HMGCS2: variants seen among roughly 807,000 people sequenced by gnomAD.
The protein encoded by HMGCS2 is hydroxymethylglutaryl-CoA synthase, mitochondrial.
In HMGCS2, 50 loss-of-function variants were observed where a neutral mutation model predicts 57.4. The ratio of observed to expected loss-of-function variants is 0.87; its 90% CI spans 0.69 to 1.10. The LOEUF is 1.10. HMGCS2 is among the 50% of genes least tolerant of loss of function. HMGCS2 has a pLI of 0.00. For synonymous variants in HMGCS2, 254 were observed against 245.1 expected (o/e 1.04, Z -0.34); for missense variants, 627 against 636.5 (o/e 0.99, Z 0.16).
intron 5 of HMGCS2, among the ~76,000 whole-genome samples, chr1:119,756,629 A>T (rs916398267): frequency 6.6e-6 from 1 of 152,234 alleles, no homozygotes; most frequent in African/African-American, 2.4e-5. Flanking sequence ...ATTTCTTTGT[A>T]AATATTAGTG....
rs1652805414 is a variant in HMGCS2 at position 119,755,496 on chromosome 1, T to A, written c.1118A>T (p.Tyr373Phe). ...MFDKKTKASL[Y>F]LSTHNGNMYT... is the part of the protein sequence containing the mutation. The stretch of plus-strand genomic sequence containing the variant: ...CATGTTCCCATTGTGAGTGGAGAGG[T>A]AAAGGGAAGCCTTGGTTTTCTTGTC... Residue 373 changes from tyrosine (Y) to phenylalanine (F), a missense_variant, in exon 6 of 10, where the codon TAC becomes TTC. Physicochemically the swap from Tyr to Phe is conservative, Grantham distance 22. Transcript: ENST00000369406. 3 of 1,613,960 alleles carry A rather than the reference T, an allele frequency of 1.9e-6. No homozygotes were observed. Among genetic ancestry groups the A allele is most frequent in the Non-Finnish European group, 2.5e-6 (3 of 1,179,964 alleles).
intron 7 of HMGCS2, 60 bp from the exon 8 acceptor site, chr1:119,752,734 C>G: frequency 1.9e-6 from 3 of 1,600,096 alleles, no homozygotes; most frequent in Non-Finnish European, 2.6e-6. Context: ...TATTGCCAAT[C>G]ACGAGTTCAA....
At chr1:119,765,544 C>T (rs1653198349) in intron 1 of HMGCS2, among the ~76,000 whole-genome samples, 3 of 152,068 alleles carry the variant, frequency 2.0e-5, no homozygotes, top group Admixed American at 2.0e-4. Flanking sequence ...AAGATTATAA[C>T]ATGCATAATT....
chr1:119,766,016 G>A (rs139000085), intron 1 of HMGCS2, among the ~76,000 whole-genome samples: 1 of 152,198 alleles, frequency 6.6e-6, no homozygotes, highest in African/African-American at 2.4e-5. Flanking sequence ...CGAGAGCAGA[G>A]GAAAAAAGGA....
chr1:119,757,287 C>T lies in HMGCS2; in HGVS notation c.1002G>A (p.Gly334=). 1 of 1,614,210 alleles carries T rather than the reference C, an allele frequency of 6.2e-7. No individual in the cohort carries two copies. Among genetic ancestry groups the T allele is most frequent in the Non-Finnish European group, 8.5e-7 (1 of 1,180,046 alleles). Residue 334 remains glycine, a synonymous_variant, in exon 5 of 10, where the codon GGG becomes GGA. Transcript: ENST00000369406. Reference sequence around the variant, plus strand: ...AGAGAACTCACCCGAAAGCCTCCAGCCCCTTATATAAGCTGGTTTGTGTGT... The same window carrying T: ...AGAGAACTCACCCGAAAGCCTCCAGTCCCTTATATAAGCTGGTTTGTGTGT... The part of the protein sequence containing the change: ...SSDTQTSLYK[G]LEAFGGLKLE...
intron 6 of HMGCS2, among the ~76,000 whole-genome samples, chr1:119,754,334 G>A (rs1652764925): frequency 6.6e-6 from 1 of 152,048 alleles, no homozygotes; most frequent in African/African-American, 2.4e-5. Flanking sequence ...TGGTATTACA[G>A]GCATGAGCCA....
At chr1:119,750,691 T>G in intron 9 of HMGCS2, 106 bp downstream of exon 9, 1 of 742,896 alleles carries the variant, frequency 1.3e-6, no homozygotes, top group Non-Finnish European at 2.5e-6. Flanking sequence ...TCCTCTTCCA[T>G]TAAACTTTCT....
chr1:119,761,713 T>C (rs587627125), intron 2 of HMGCS2, among the ~76,000 whole-genome samples: 2 of 151,704 alleles, frequency 1.3e-5, no homozygotes, highest in South Asian at 2.1e-4. Context: ...TGCAGTGAGC[T>C]GAGATCACCG....
chr1:119,751,948 A>G (rs1652673640), intron 8 of HMGCS2, among the ~76,000 whole-genome samples: 1 of 152,116 alleles, frequency 6.6e-6, no homozygotes, highest in East Asian at 1.9e-4. Flanking sequence ...TAATCACTCT[A>G]GTATTACCTT....
intron 2 of HMGCS2, among the ~76,000 whole-genome samples, chr1:119,760,298 A>G (rs1652996524): frequency 6.6e-6 from 1 of 152,240 alleles, no homozygotes; most frequent in Non-Finnish European, 1.5e-5. Context: ...ATCTCCTTAT[A>G]GCACACCATG....
intron 5 of HMGCS2, among the ~76,000 whole-genome samples, chr1:119,755,977 A>G (rs2101255784): frequency 6.6e-6 from 1 of 152,308 alleles, no homozygotes; most frequent in African/African-American, 2.4e-5. Context: ...GACAGGATGT[A>G]CCGCACTTTA....
chr1:119,757,296 T>A lies in HMGCS2; in HGVS notation c.993A>T (p.Leu331Phe). The A allele has an allele frequency of 6.2e-7, 1 of 1,614,192 alleles. No homozygotes were observed. ...ACCCGAAAGCCTCCAGCCCCTTATATAAGCTGGTTTGTGTGTCACTGCTGG... is the reference window on the plus strand; with the variant it reads ...ACCCGAAAGCCTCCAGCCCCTTATAAAAGCTGGTTTGTGTGTCACTGCTGG... ...LSASSDTQTS[L>F]YKGLEAFGGL... Residue 331 changes from leucine to phenylalanine, a missense_variant, in exon 5 of 10, where the codon TTA (leucine) becomes TTT (phenylalanine). Physicochemically the swap from Leu to Phe is conservative, Grantham distance 22. Coordinates refer to ENST00000369406, the MANE Select transcript of HMGCS2 (RefSeq NM_005518.4).
In HMGCS2 at chr1:119,748,147, C is replaced by T. The variant is rs191519973; in HGVS notation, c.*700G>A. 1.3e-5 allele frequency: 2 copies of T among 152,404 alleles called. No homozygotes were observed. Among genetic ancestry groups the T allele is most frequent in the East Asian group, 1.9e-4 (1 of 5,186 alleles). The allele number at this position is 152,404 out of a possible 1,614,324, so 9.4% of individuals were successfully genotyped here. On this transcript the variant is annotated 3_prime_UTR_variant, in exon 10 of 10. Transcript: ENST00000369406. ...CTGGCCCCTGTCTGCTGCTCTCTGT[C>T]TATGTGGTGTCTTTAGAACAGGGAA...
intron 2 of HMGCS2, among the ~76,000 whole-genome samples, chr1:119,761,248 A>G (rs1225745124): frequency 3.3e-5 from 5 of 149,302 alleles, no homozygotes; most frequent in Admixed American, 3.3e-4. Flanking sequence ...GGAAAACAAT[A>G]CTTTTTTCTA....
Position 119,759,123 on chromosome 1 carries a change from T to C in HMGCS2, c.845A>G (p.Lys282Arg). ...CTGCCCTCTGAATCTCATACCTTGC[T>C]TCCACTGATTCTGGATTTTTTTACG... Reference protein sequence around the residue: ...SYRKKIQNQWKQAGSDRPFTL... With the variant: ...SYRKKIQNQWRQAGSDRPFTL... The change falls in exon 4 of 10, where the codon AAG becomes AGG. Residue 282 changes from lysine (K) to arginine (R), a missense_variant. Physicochemically the swap from Lys to Arg is conservative, Grantham distance 26. Coordinates refer to ENST00000369406, the MANE Select transcript of HMGCS2 (RefSeq NM_005518.4). 1 of 1,614,230 alleles carries C rather than the reference T, an allele frequency of 6.2e-7. No individual in the cohort carries two copies. Among genetic ancestry groups the C allele is most frequent in the Non-Finnish European group, 8.5e-7 (1 of 1,180,020 alleles).
chr1:119,753,455 AT>A (rs1421601242), intron 6 of HMGCS2, 69 bp from the exon 7 acceptor site: 1 of 770,232 alleles, frequency 1.3e-6, no homozygotes, highest in Non-Finnish European at 2.3e-6. Flanking sequence ...ACATATATGT[AT>A]ATATATATTA....
rs587690380 is a variant in HMGCS2, at chr1:119,755,519, G to C, written c.1095C>G (p.Asp365Glu). ...ALLKASQDMF[D>E]KKTKASLYLS... ...GGTAAAGGGAAGCCTTGGTTTTCTTGTCGAACATGTCCTGAGAGGCCTTTA... is the reference window on the plus strand; with the variant it reads ...GGTAAAGGGAAGCCTTGGTTTTCTTCTCGAACATGTCCTGAGAGGCCTTTA... The change falls in exon 6 of 10, where the codon GAC becomes GAG. Residue 365 changes from aspartate (D) to glutamate (E), a missense_variant. Transcript: ENST00000369406. 162 of 1,614,062 alleles carry C rather than the reference G, an allele frequency of 1.0e-4. 1 individual carries two copies. In the South Asian group the frequency reaches 1.6e-3, roughly 16 times the overall value.
At position 119,753,073 on chromosome 1, in the gene HMGCS2, C is replaced by G. The variant is rs138224001; in HGVS notation, c.1294+207G>C. ...ATATCCAGCTTTGTTCCTTTTCAAT[C>G]TAGTCTCTAAGTAGTAGCCAAATAA... On this transcript the variant is annotated intron_variant, in intron 7 of 9. Transcript: ENST00000369406. Among the ~76,000 whole-genome samples, 11 of 152,296 alleles carry G rather than the reference C, an allele frequency of 7.2e-5. No individual in the cohort carries two copies. In the East Asian group the frequency reaches 2.1e-3, roughly 29 times the overall value.
rs1652986854 is a variant in HMGCS2 at position 119,759,992 on chromosome 1, G to A, written c.560-3C>T. ...ACAGACCACCATGGCATAACGACCT[G>A]TAAAGAGAAACAAGAAATATTTACC... On this transcript the variant is annotated splice_polypyrimidine_tract_variant and splice_region_variant and intron_variant, in intron 2 of 9. Coordinates refer to ENST00000369406, the MANE Select transcript of HMGCS2 (RefSeq NM_005518.4). 1 of 1,613,712 alleles carries A rather than the reference G, an allele frequency of 6.2e-7. No individual in the cohort carries two copies.
Sources: allele counts gnomAD v4.1 joint callset (sites outside exome capture counted in the v4.1 genomes callset), GRCh38; gene constraint gnomAD v4.1.1; transcripts MANE v1.5; gene names NCBI Gene and HGNC (gene_info 2026-07-23, HGNC 2026-07-21).